The following MBD5 variants were observed in gnomAD, a reference collection of about 807,000 sequenced individuals.
The protein encoded by MBD5 is methyl-CpG-binding domain protein 5.
A neutral mutation model predicts 117.3 loss-of-function variants in MBD5; 13 were observed. That is an observed-to-expected ratio of 0.11 (90% CI 0.07 to 0.18). The LOEUF (loss-of-function observed/expected upper bound fraction) is 0.18. MBD5 is among the 10% of genes least tolerant of loss of function. MBD5 has a pLI of 1.00. For missense variants in MBD5, 1,879 were observed against 2,093.8 expected, an observed-to-expected ratio of 0.90 and a Z score of 2.00; for synonymous variants, 727 against 766.4, an observed-to-expected ratio of 0.95 and a Z score of 0.85.
chr2:148,181,978 A>C (rs1256466783), intron 2 of MBD5, among the ~76,000 whole-genome samples: 6 of 152,142 alleles, frequency 3.9e-5, no homozygotes, highest in Admixed American at 3.3e-4. Flanking sequence ...TATTATAATC[A>C]TTTGAAATTA....
intron 3 of MBD5, among the ~76,000 whole-genome samples, chr2:148,303,935 C>A (rs1454720451): frequency 6.6e-6 from 1 of 151,964 alleles, no homozygotes; most frequent in Non-Finnish European, 1.5e-5. Context: ...TCAAAAGAAA[C>A]CTTTAAAGTA....
chr2:148,318,865 G>A (rs557414956), intron 3 of MBD5, among the ~76,000 whole-genome samples: 2 of 152,106 alleles, frequency 1.3e-5, no homozygotes, highest in African/African-American at 2.4e-5. Context: ...ACAGACATGC[G>A]CCATCATGCC....
At chr2:148,256,451 C>T (rs190428942) in intron 3 of MBD5, among the ~76,000 whole-genome samples, 10 of 152,354 alleles carry the variant, frequency 6.6e-5, no homozygotes, top group East Asian at 3.9e-4. Flanking sequence ...GGTCTTGCCA[C>T]GTGGCTTGAC....
At chr2:148,169,772 G>A (rs1352592484) in intron 1 of MBD5, among the ~76,000 whole-genome samples, 1 of 152,102 alleles carries the variant, frequency 6.6e-6, no homozygotes, top group Non-Finnish European at 1.5e-5. Flanking sequence ...ACATCCTACT[G>A]AAGCCATATT....
intron 4 of MBD5, among the ~76,000 whole-genome samples, chr2:148,412,441 G>A (rs762315191): frequency 2.6e-5 from 4 of 151,950 alleles, no homozygotes; most frequent in East Asian, 1.9e-4. Context: ...GGCTGTTTGG[G>A]TGCTTCTTTG....
At chr2:148,481,345 A>C (rs1206547195) in intron 8 of MBD5, among the ~76,000 whole-genome samples, 1 of 152,184 alleles carries the variant, frequency 6.6e-6, no homozygotes, top group Admixed American at 6.5e-5. Flanking sequence ...AGAATATAAA[A>C]TTATATTCAT....
At chr2:148,252,485 A>G (rs1171347076) in intron 3 of MBD5, among the ~76,000 whole-genome samples, 1 of 142,528 alleles carries the variant, frequency 7.0e-6, no homozygotes, top group Non-Finnish European at 1.6e-5. Flanking sequence ...AAACACTGAA[A>G]GATACAGACT....
intron 3 of MBD5, among the ~76,000 whole-genome samples, chr2:148,279,552 A>T (rs1307175971): frequency 1.3e-5 from 2 of 152,220 alleles, no homozygotes; most frequent in African/African-American, 4.8e-5. Flanking sequence ...GTATCCCTTC[A>T]TCCAGTCAAG....
chr2:148,450,977 G>C (rs1706710022), intron 4 of MBD5, among the ~76,000 whole-genome samples: 1 of 152,134 alleles, frequency 6.6e-6, no homozygotes, highest in Non-Finnish European at 1.5e-5. Context: ...CTGTCTCTCT[G>C]TACCTTGAGA....
At chr2:148,166,452 T>TA (rs1698127297) in intron 1 of MBD5, among the ~76,000 whole-genome samples, 1 of 152,190 alleles carries the variant, frequency 6.6e-6, no homozygotes, top group Non-Finnish European at 1.5e-5. Flanking sequence ...ATTCCTTACA[T>TA]AAAATGGTTT....
At position 148,399,865 on chromosome 2, in the gene MBD5, G is replaced by T. The variant is rs138643740; in HGVS notation, c.-557+57529G>T. Among the ~76,000 whole-genome samples, 73 of 152,254 alleles carry T rather than the reference G, an allele frequency of 4.8e-4. 1 individual carries two copies. The East Asian group carries it at 0.013, about 28-fold the overall frequency. ...TGTATTGAGAGTTTTTAGCATGAAG[G>T]GGTGTTGAATTTTGTCGAAGGCCTT... On this transcript the variant is annotated intron_variant, in intron 4 of 13. Transcript: ENST00000642680.
chr2:148,044,421 C>A (rs1389376579), intron 1 of MBD5: 1 of 152,154 alleles, frequency 6.6e-6, no homozygotes, highest in Non-Finnish European at 1.5e-5. Context: ...TCTAGTATTC[C>A]TGTGACTTTT....
rs1680677340 is a variant in MBD5 at position 148,468,688 on chromosome 2, G to A, written c.745G>A (p.Val249Ile). 2 of 1,613,746 alleles carry A rather than the reference G, an allele frequency of 1.2e-6. No homozygotes were observed. Among genetic ancestry groups the A allele is most frequent in the African/African-American group, 2.7e-5 (2 of 74,874 alleles). Residue 249 changes from valine to isoleucine, a missense_variant, in exon 8 of 14, where the codon GTT (valine) becomes ATT (isoleucine). This residue lies in a region of MBD5 where 1,666 missense variants were observed against 1,792.2 expected (regional missense o/e 0.93). Coordinates refer to ENST00000642680, the MANE Select transcript of MBD5 (RefSeq NM_001378120.1). ...GACTGACCCACTTGGAAGTCCTGAT[G>A]TTTTCACAAGAAGTAATCCTGGTTT... ...PRTDPLGSPD[V>I]FTRSNPGFHG...
At chr2:148,041,551 A>G (rs1049797381) in intron 1 of MBD5, among the ~76,000 whole-genome samples, 3 of 152,192 alleles carry the variant, frequency 2.0e-5, no homozygotes, top group African/African-American at 7.2e-5. Context: ...TCAGGCCATC[A>G]TGGATGATCT....
intron 3 of MBD5, among the ~76,000 whole-genome samples, chr2:148,326,215 T>C (rs1179855022): frequency 6.6e-6 from 1 of 152,194 alleles, no homozygotes; most frequent in African/African-American, 2.4e-5. Flanking sequence ...TTGTTATAAT[T>C]TCTGTTCTTT....
At chr2:148,394,579 A>G (rs1383915724) in intron 4 of MBD5, among the ~76,000 whole-genome samples, 3 of 125,830 alleles carry the variant, frequency 2.4e-5, no homozygotes, top group Admixed American at 8.2e-5. Flanking sequence ...TGTTCATTCC[A>G]TACCTTATTT....
chr2:148,139,995 T>C (rs546751421), intron 1 of MBD5, among the ~76,000 whole-genome samples: 14 of 152,288 alleles, frequency 9.2e-5, no homozygotes, highest in South Asian at 2.1e-4. Context: ...AATGATTACA[T>C]TGGGGTAACT....
intron 1 of MBD5, among the ~76,000 whole-genome samples, chr2:148,120,550 A>G (rs181642381): frequency 1.3e-5 from 2 of 152,276 alleles, no homozygotes; most frequent in Non-Finnish European, 2.9e-5. Flanking sequence ...GCTATTGTAA[A>G]TGGAATTATT....
intron 1 of MBD5, among the ~76,000 whole-genome samples, chr2:148,079,594 C>T (rs576990118): frequency 1.3e-5 from 2 of 150,818 alleles, no homozygotes; most frequent in Admixed American, 1.3e-4. Context: ...TGCGGTGGCT[C>T]ACATCTGTAA....
Sources: gnomAD v4.1 joint callset for allele counts (sites outside exome capture counted in the v4.1 genomes callset) on GRCh38, gnomAD v4.1.1 for gene constraint, gnomAD v4.1.1 regional missense constraint, MANE v1.5 for transcripts, NCBI Gene and HGNC (gene_info 2026-07-23, HGNC 2026-07-21) for gene names.